The following FER1L6 variants were observed in gnomAD, a reference collection of about 807,000 sequenced individuals.
The protein encoded by FER1L6 is fer-1 like family member 6.
In FER1L6, 177 loss-of-function variants were observed where a neutral mutation model predicts 219.2. The observed-to-expected ratio is 0.81, with a 90% CI of 0.71 to 0.91. The LOEUF (loss-of-function observed/expected upper bound fraction) is 0.91, where lower values mean the gene tolerates loss of function less well. Ranked by LOEUF, FER1L6 falls within the 40% of genes least tolerant of loss-of-function variation. FER1L6 has a pLI of 0.00. For synonymous variants in FER1L6, 768 were observed against 824.3 expected (o/e 0.93, Z 1.17); for missense variants, 2,153 against 2,259.9 (o/e 0.95, Z 0.96).
intron 1 of FER1L6, among the ~76,000 whole-genome samples, chr8:123,934,707 G>T (rs751319836): frequency 3.9e-5 from 6 of 152,084 alleles, no homozygotes; most frequent in Admixed American, 3.3e-4. Context: ...CTCTGATGTG[G>T]TTTGGCTCTG....
chr8:124,049,494 A>G (rs1819900994), intron 21 of FER1L6, 113 bp from the exon 22 acceptor site: 1 of 1,216,590 alleles, frequency 8.2e-7, no homozygotes, highest in South Asian at 1.4e-5. Context: ...AGAGTGAGAC[A>G]TGGAAGCTGA....
intron 1 of FER1L6, among the ~76,000 whole-genome samples, chr8:123,912,471 A>G (rs1813065166): frequency 6.6e-6 from 1 of 152,144 alleles, no homozygotes; most frequent in South Asian, 2.1e-4. Context: ...CAGGAATTTT[A>G]TAGCCTAACA....
At chr8:123,984,218 A>G (rs937974245) in intron 11 of FER1L6, 4 of 152,206 alleles carry the variant, frequency 2.6e-5, no homozygotes, top group Admixed American at 2.0e-4. Context: ...TGAAAGCCCA[A>G]TGATGGTGGT....
intron 39 of FER1L6, among the ~76,000 whole-genome samples, chr8:124,118,165 G>A (rs1268619049): frequency 3.3e-5 from 5 of 152,162 alleles, no homozygotes; most frequent in Admixed American, 2.0e-4. Context: ...GAATGAAGGC[G>A]TGAACAAGAG....
rs772140035 is a variant in FER1L6 at position 124,048,509 on chromosome 8, C to T, written c.2725-1098C>T. ...CAAAAGAGGCAGGAAGCAGAGCCAT[C>T]GCATCGCATACTTCTTATAGAAACA... On this transcript the variant is annotated intron_variant, in intron 21 of 40. Coordinates refer to ENST00000522917, the MANE Select transcript of FER1L6 (RefSeq NM_001039112.2). Among the ~76,000 whole-genome samples the T allele has an allele frequency of 2.6e-5, 4 of 152,112 alleles. 1 individual carries two copies. The highest frequency in any genetic ancestry group is 5.9e-5 in the Non-Finnish European group (4 of 68,006).
At chr8:123,963,248 A>C (rs757863690) in intron 2 of FER1L6, 30 bp from the exon 3 acceptor site, 1 of 1,612,610 alleles carries the variant, frequency 6.2e-7, no homozygotes, top group East Asian at 2.2e-5. Flanking sequence ...TCAATTTCAC[A>C]GGATTTTCTT....
Position 124,009,906 on chromosome 8 carries a change from G to C in FER1L6, c.1701-688G>C, listed in dbSNP as rs141721004. 8.9e-3 allele frequency among the ~76,000 whole-genome samples: 1,354 copies of C among 151,738 alleles called. 10 individuals are homozygous for C. Among genetic ancestry groups the C allele is most frequent in the Non-Finnish European group, 0.014 (961 of 67,908 alleles). ...CGAAGGTCAGGTAGCTGGCAACCCG[G>C]GCAGGAGAAGTCTTGTTCTAGTTTG... is the stretch of plus-strand genomic sequence containing the variant. On this transcript the variant is annotated intron_variant, in intron 13 of 40. Coordinates refer to ENST00000522917, the MANE Select transcript of FER1L6 (RefSeq NM_001039112.2).
chr8:124,011,596 C>T (rs1029500539), intron 14 of FER1L6, among the ~76,000 whole-genome samples: 43 of 151,878 alleles, frequency 2.8e-4, no homozygotes, highest in African/African-American at 1.0e-3. Flanking sequence ...CCTCCCACCT[C>T]AGCATCCCAA....
intron 12 of FER1L6, among the ~76,000 whole-genome samples, chr8:123,999,335 C>A (rs1350245905): frequency 6.6e-6 from 1 of 152,172 alleles, no homozygotes; most frequent in Non-Finnish European, 1.5e-5. Flanking sequence ...CCCTTCTGTT[C>A]CAAGGTGTGT....
intron 22 of FER1L6, among the ~76,000 whole-genome samples, chr8:124,051,838 C>T (rs895288484): frequency 2.7e-4 from 41 of 152,132 alleles, no homozygotes; most frequent in African/African-American, 9.9e-4. Flanking sequence ...TTAAGCTCAT[C>T]TTATCAAAGA....
Position 124,013,442 on chromosome 8 carries a change from A to G in FER1L6, c.1833A>G (p.Ile611Met), listed in dbSNP as rs373500795. 4 of 1,606,818 alleles carry G rather than the reference A, an allele frequency of 2.5e-6. No individual in the cohort carries two copies. The highest frequency in any genetic ancestry group is 3.4e-6 in the Non-Finnish European group (4 of 1,177,478). The change falls in exon 15 of 41, where the codon ATA becomes ATG. Residue 611 changes from isoleucine to methionine, a missense_variant. Physicochemically the swap from Ile to Met is conservative, Grantham distance 10. Transcript: ENST00000522917. ...TGGTTTGTTTTCAGGAAGAAAGTAT[A>G]GAAGAAGTGAGAGAATTGATCAAGA... ...EKMADFLEESIEEVRELIKIS... is the reference protein window; with the variant it reads ...EKMADFLEESMEEVRELIKIS...
chr8:124,006,787 C>A (rs1586582092), intron 13 of FER1L6, among the ~76,000 whole-genome samples: 1 of 152,180 alleles, frequency 6.6e-6, no homozygotes, highest in South Asian at 2.1e-4. Context: ...ACCTTGCCAT[C>A]TGCTGCCCTC....
At chr8:123,898,173 TTTC>T (rs1452367388) in intron 1 of FER1L6, among the ~76,000 whole-genome samples, 6 of 152,180 alleles carry the variant, frequency 3.9e-5, no homozygotes, top group African/African-American at 1.2e-4. Context: ...TTAACAGATT[TTTC>T]TTGTAAAATA....
chr8:123,886,927 T>G (rs141010290), intron 1 of FER1L6, among the ~76,000 whole-genome samples: 2 of 150,602 alleles, frequency 1.3e-5, no homozygotes, highest in East Asian at 3.9e-4. Context: ...CCATAGACAG[T>G]TTTTTTTAAA....
chr8:123,966,983 G>A (rs532217357), intron 5 of FER1L6, among the ~76,000 whole-genome samples: 13 of 151,410 alleles, frequency 8.6e-5, no homozygotes, highest in Non-Finnish European at 1.3e-4. Context: ...TTGGGAGGCT[G>A]CAGCAGAAGA....
At chr8:124,006,735 C>A (rs1186368334) in intron 13 of FER1L6, among the ~76,000 whole-genome samples, 1 of 152,154 alleles carries the variant, frequency 6.6e-6, no homozygotes, top group Non-Finnish European at 1.5e-5. Flanking sequence ...ATCGGGACAG[C>A]CATTTAGACT....
chr8:123,954,740 A>G (rs1814935378), intron 1 of FER1L6, among the ~76,000 whole-genome samples: 1 of 152,166 alleles, frequency 6.6e-6, no homozygotes, highest in African/African-American at 2.4e-5. Flanking sequence ...GTGGAGGCTG[A>G]TCTTAACCAC....
rs374833027 is a variant in FER1L6 at position 123,973,420 on chromosome 8, C to G, written c.448-14C>G. 61 of 1,607,952 alleles carry G rather than the reference C, an allele frequency of 3.8e-5. 1 individual carries two copies. In the African/African-American group the frequency reaches 5.6e-4, roughly 15 times the overall value. ...AGGTAAATCTGCCATACTCCCTGCT[C>G]TCTCTCTCCTCAGGTCTTTCACCAC... On this transcript the variant is annotated splice_polypyrimidine_tract_variant and intron_variant, in intron 6 of 40. Coordinates refer to ENST00000522917, the MANE Select transcript of FER1L6 (RefSeq NM_001039112.2).
At chr8:123,989,603 C>T (rs184010820) in intron 12 of FER1L6, among the ~76,000 whole-genome samples, 3 of 152,250 alleles carry the variant, frequency 2.0e-5, no homozygotes, top group Admixed American at 6.5e-5. Context: ...CATTATACCA[C>T]TCTGTATGAC....
Sources: allele counts gnomAD v4.1 joint callset (sites outside exome capture counted in the v4.1 genomes callset), GRCh38; gene constraint gnomAD v4.1.1; transcripts MANE v1.5; gene names NCBI Gene and HGNC (gene_info 2026-07-23, HGNC 2026-07-21).